PALLD: variants seen among roughly 807,000 people sequenced by gnomAD.
PALLD encodes the protein palladin, cytoskeletal associated protein, also known as palladin.
PALLD carries 61 observed loss-of-function variants against 123.5 expected under a neutral mutation model. The observed-to-expected ratio is 0.49, with a 90% CI of 0.40 to 0.61. PALLD has a LOEUF of 0.61. Ranked by LOEUF, PALLD falls within the 20% of genes least tolerant of loss-of-function variation. PALLD has a pLI of 0.00. For synonymous variants in PALLD, 465 were observed against 496.4 expected (o/e 0.94, Z 0.84); for missense variants, 1,273 against 1,377.0 (o/e 0.92, Z 1.20).
At position 168,654,829 on chromosome 4, in the gene PALLD, A is replaced by C. The variant is rs1441008745; in HGVS notation, c.909-13361A>C. 5 of 152,278 alleles carry C rather than the reference A, an allele frequency of 3.3e-5. No homozygotes were observed. The East Asian group carries it at 9.6e-4, about 29-fold the overall frequency. The allele number at this position is 152,278 out of a possible 1,614,324, so 9.4% of individuals were successfully genotyped here. ...CAGTCAAAAGTATGTATTTGATCAAAATGGTTGGGAGGAGGACAGGTGTTA... is the reference window on the plus strand; with the variant it reads ...CAGTCAAAAGTATGTATTTGATCAACATGGTTGGGAGGAGGACAGGTGTTA... On this transcript the variant is annotated intron_variant, in intron 2 of 21. Transcript: ENST00000505667.
At chr4:168,890,525 T>C (rs1012269434) in intron 10 of PALLD, among the ~76,000 whole-genome samples, 1 of 152,132 alleles carries the variant, frequency 6.6e-6, no homozygotes, top group Non-Finnish European at 1.5e-5. Flanking sequence ...CATTCATATG[T>C]GGTATATATT....
chr4:168,680,501 A>AC (rs1561390395), intron 3 of PALLD, among the ~76,000 whole-genome samples: 7 of 145,406 alleles, frequency 4.8e-5, no homozygotes, highest in African/African-American at 1.3e-4. Flanking sequence ...AAAAAAAAAA[A>AC]AAAAAAAAAC....
chr4:168,504,622 A>T (rs1487166274), intron 1 of PALLD, among the ~76,000 whole-genome samples: 1 of 152,070 alleles, frequency 6.6e-6, no homozygotes, highest in Admixed American at 6.6e-5. Context: ...GCTGTGGCTA[A>T]TGAGCGTTTT....
chr4:168,570,891 C>T (rs147397211), intron 2 of PALLD, among the ~76,000 whole-genome samples: 2 of 152,278 alleles, frequency 1.3e-5, no homozygotes, highest in East Asian at 1.9e-4. Flanking sequence ...GAAAAGTTTT[C>T]TCCTATCCAC....
intron 10 of PALLD, among the ~76,000 whole-genome samples, chr4:168,799,398 G>T (rs559365646): frequency 6.6e-6 from 1 of 152,298 alleles, no homozygotes; most frequent in East Asian, 1.9e-4. Flanking sequence ...TGATTGGAAA[G>T]GTAACCGAAG....
chr4:168,896,049 A>G (rs1011265378), intron 12 of PALLD, among the ~76,000 whole-genome samples: 7 of 152,182 alleles, frequency 4.6e-5, no homozygotes, highest in African/African-American at 1.7e-4. Context: ...GTCTCTACTG[A>G]AAATACAAAA....
At chr4:168,888,154 G>A (rs1753633226) in intron 10 of PALLD, among the ~76,000 whole-genome samples, 1 of 152,210 alleles carries the variant, frequency 6.6e-6, no homozygotes, top group Non-Finnish European at 1.5e-5. Context: ...CATGGTACTA[G>A]AAATTGAAGT....
At chr4:168,918,032 C>G (rs1760570315) in intron 17 of PALLD, among the ~76,000 whole-genome samples, 1 of 151,936 alleles carries the variant, frequency 6.6e-6, no homozygotes, top group Admixed American at 6.6e-5. Flanking sequence ...AACCCCATCT[C>G]TACTAAAAAT....
chr4:168,814,704 C>T lies in PALLD; in HGVS notation c.1965-76218C>T, dbSNP rs926053856. 7.2e-5 allele frequency among the ~76,000 whole-genome samples: 11 copies of T among 152,116 alleles called. No individual in the cohort carries two copies. In the East Asian group the frequency reaches 1.2e-3, roughly 16 times the overall value. ...GAAAGTGAACAGTGACCCTCTTTCC[C>T]GAATGTCTATAATTTTCTCAATTTA... On this transcript the variant is annotated intron_variant, in intron 10 of 21. Coordinates refer to ENST00000505667, the MANE Select transcript of PALLD (RefSeq NM_001166108.2).
chr4:168,773,859 A>T (rs1039388), intron 10 of PALLD, among the ~76,000 whole-genome samples: 57,610 of 151,998 alleles, frequency 0.38, 12,195 homozygotes, highest in East Asian at 0.55. Context: ...GCATTTAGTT[A>T]GCTTCCCCTC....
intron 2 of PALLD, among the ~76,000 whole-genome samples, chr4:168,639,014 A>C (rs1431114392): frequency 6.6e-6 from 1 of 152,128 alleles, no homozygotes; most frequent in Non-Finnish European, 1.5e-5. Context: ...TCAGAAGCAG[A>C]TACTTCCCCA....
intron 12 of PALLD, 124 bp from the exon 13 acceptor site, chr4:168,896,424 AC>A (rs1755184229): frequency 1.5e-6 from 1 of 673,614 alleles, no homozygotes; most frequent in African/African-American, 1.8e-5. Context: ...GTGAGTACTC[AC>A]AGCACCGTTA....
In PALLD at chr4:168,715,317, T is replaced by A. The variant is rs551915894; in HGVS notation, c.1964+3394T>A. Among the ~76,000 whole-genome samples the A allele has an allele frequency of 1.2e-4, 19 of 152,234 alleles. No individual in the cohort carries two copies. In the East Asian group the frequency reaches 3.7e-3, roughly 29 times the overall value. On this transcript the variant is annotated intron_variant, in intron 10 of 21. Transcript: ENST00000505667. ...AGTTAAATGTAGGCCATTTGGTGAG[T>A]CCCAGATGACCTGCACACAGGATTT...
chr4:168,784,449 A>C (rs1238746869), intron 10 of PALLD, among the ~76,000 whole-genome samples: 1 of 152,166 alleles, frequency 6.6e-6, no homozygotes, highest in Non-Finnish European at 1.5e-5. Context: ...TTTGTGGGAA[A>C]AGCTGAGGAA....
chr4:168,888,099 G>C (rs1753623448), intron 10 of PALLD, among the ~76,000 whole-genome samples: 1 of 152,144 alleles, frequency 6.6e-6, no homozygotes. Context: ...GAGGTTCCAG[G>C]CTTGGGAAAA....
chr4:168,813,980 A>C (rs1282441900), intron 10 of PALLD, among the ~76,000 whole-genome samples: 1 of 152,164 alleles, frequency 6.6e-6, no homozygotes, highest in African/African-American at 2.4e-5. Flanking sequence ...TGAGAGTGGG[A>C]GGAATTTCAG....
chr4:168,607,216 C>T lies in PALLD; in HGVS notation c.909-60974C>T, dbSNP rs942291017. Among the ~76,000 whole-genome samples, 12 of 152,130 alleles carry T rather than the reference C, an allele frequency of 7.9e-5. No individual in the cohort carries two copies. In the South Asian group the frequency reaches 1.5e-3, roughly 18 times the overall value. ...CAGTGCAGATGATAAGTCATATCTGCGGAAATAAATTTAGAATGATAATGA... is the reference window on the plus strand; with the variant it reads ...CAGTGCAGATGATAAGTCATATCTGTGGAAATAAATTTAGAATGATAATGA... On this transcript the variant is annotated intron_variant, in intron 2 of 21. Transcript: ENST00000505667.
intron 8 of PALLD, among the ~76,000 whole-genome samples, chr4:168,697,728 T>C (rs114392894): frequency 0.082 from 12,554 of 152,260 alleles, 560 homozygotes; most frequent in Middle Eastern, 0.13. Context: ...GTTGCAATTT[T>C]TTGAATTTTT....
chr4:168,624,168 G>A (rs2710855), intron 2 of PALLD, among the ~76,000 whole-genome samples: 116,456 of 151,928 alleles, frequency 0.77, 44,810 homozygotes, highest in Admixed American at 0.86. Context: ...TATCAATATC[G>A]ATACAGAAAA....
Sources: gnomAD v4.1 joint callset for allele counts (sites outside exome capture counted in the v4.1 genomes callset) on GRCh38, gnomAD v4.1.1 for gene constraint, MANE v1.5 for transcripts, NCBI Gene and HGNC (gene_info 2026-07-23, HGNC 2026-07-21) for gene names.